The following DUS2 variants were observed in gnomAD, a reference collection of about 807,000 sequenced individuals.
The protein encoded by DUS2 is dihydrouridine synthase 2.
In DUS2, 52 loss-of-function variants were observed where a neutral mutation model predicts 71.3. The observed-to-expected ratio is 0.73, with a 90% CI of 0.58 to 0.92. DUS2 has a LOEUF of 0.92. DUS2 is among the 40% of genes least tolerant of loss of function. DUS2 has a pLI of 0.00. For synonymous variants in DUS2, 204 were observed against 227.8 expected, an observed-to-expected ratio of 0.90 and a Z score of 0.94; for missense variants, 558 against 622.6, an observed-to-expected ratio of 0.90 and a Z score of 1.10.
chr16:68,039,119 G>A (rs1362046242), intron 3 of DUS2, among the ~76,000 whole-genome samples: 7 of 152,052 alleles, frequency 4.6e-5, no homozygotes, highest in South Asian at 2.1e-4. Context: ...GGAGATTGGC[G>A]GAAAACAAAC....
intron 3 of DUS2, among the ~76,000 whole-genome samples, chr16:68,042,115 A>C (rs952185865): frequency 6.6e-6 from 1 of 152,164 alleles, no homozygotes; most frequent in Non-Finnish European, 1.5e-5. Context: ...GAATCATACA[A>C]TATTTATTGT....
At chr16:68,050,576 A>C (rs76418810) in intron 4 of DUS2, among the ~76,000 whole-genome samples, 1 of 152,220 alleles carries the variant, frequency 6.6e-6, no homozygotes, top group African/African-American at 2.4e-5. Context: ...ATGTTTTTCT[A>C]TACATATAGT....
intron 10 of DUS2, among the ~76,000 whole-genome samples, chr16:68,069,654 G>T (rs7203267): frequency 6.6e-6 from 1 of 152,188 alleles, no homozygotes. Context: ...TGTGTCAGGT[G>T]CCTCTCCCTA....
intron 2 of DUS2, among the ~76,000 whole-genome samples, chr16:68,028,978 C>T (rs770019938): frequency 7.2e-5 from 11 of 152,160 alleles, no homozygotes; most frequent in South Asian, 2.1e-4. Context: ...GCAGGAGGAT[C>T]GCTAGAGGCC....
chr16:68,026,137 C>T (rs762969197), intron 2 of DUS2, among the ~76,000 whole-genome samples: 4 of 152,120 alleles, frequency 2.6e-5, no homozygotes, highest in African/African-American at 9.7e-5. Context: ...ATTACAGGCA[C>T]GTGCTACCAA....
At chr16:68,075,235 C>T (rs903974839) in intron 13 of DUS2, 120 bp from the exon 14 acceptor site, 56 of 934,544 alleles carry the variant, frequency 6.0e-5, no homozygotes, top group Admixed American at 3.7e-4. Flanking sequence ...GGCCAGGCCC[C>T]GGTGGTGTTT....
At position 68,079,088 on chromosome 16, in the gene DUS2, C is replaced by G. The variant is rs1186721726; in HGVS notation, c.*102C>G. ...GCCGTTGAACAGTTTGCTGGTCTTG[C>G]CTGGCAGAAGTTAGATGTCCTGGCA... is the stretch of plus-strand genomic sequence containing the variant. On this transcript the variant is annotated 3_prime_UTR_variant, in exon 17 of 17. Coordinates refer to ENST00000565263, the MANE Select transcript of DUS2 (RefSeq NM_017803.5). 2.6e-5 allele frequency: 30 copies of G among 1,141,988 alleles called. No individual in the cohort carries two copies. Among genetic ancestry groups the G allele is most frequent in the Non-Finnish European group, 3.3e-5 (27 of 822,846 alleles). The allele number at this position is 1,141,988 out of a possible 1,614,324, so 70.7% of individuals were successfully genotyped here. A position where few individuals can be genotyped will look rare whatever the true frequency, so the allele number is the denominator to read the frequency against.
At chr16:68,074,737 T>C (rs2034133889) in intron 13 of DUS2, among the ~76,000 whole-genome samples, 1 of 152,252 alleles carries the variant, frequency 6.6e-6, no homozygotes, top group African/African-American at 2.4e-5. Flanking sequence ...CCCTCTTACA[T>C]AGATGCCTTT....
chr16:68,053,572 A>G lies in DUS2; in HGVS notation c.181A>G (p.Ser61Gly), dbSNP rs1314210649. The change falls in exon 5 of 17, where the codon AGC becomes GGC. Residue 61 changes from serine (S) to glycine (G), a missense_variant. Coordinates refer to ENST00000565263, the MANE Select transcript of DUS2 (RefSeq NM_017803.5). ...QCKRVVNEVLSTVDFVAPDDR... is the reference protein window; with the variant it reads ...QCKRVVNEVLGTVDFVAPDDR... ...TTTGGGTTTTCTTGCAGAGGTGCTCAGCACAGTGGACTTTGTCGCCCCTGA... is the reference window on the plus strand; with the variant it reads ...TTTGGGTTTTCTTGCAGAGGTGCTCGGCACAGTGGACTTTGTCGCCCCTGA... The G allele has an allele frequency of 6.2e-7, 1 of 1,614,234 alleles. No homozygotes were observed. Among genetic ancestry groups the G allele is most frequent in the Non-Finnish European group, 8.5e-7 (1 of 1,180,024 alleles).
intron 2 of DUS2, among the ~76,000 whole-genome samples, chr16:68,028,726 C>T (rs1233735510): frequency 6.6e-6 from 1 of 152,150 alleles, no homozygotes; most frequent in African/African-American, 2.4e-5. Flanking sequence ...TTACTATGTG[C>T]TGAGAACTGT....
At chr16:68,034,334 G>A (rs1427302403) in intron 2 of DUS2, among the ~76,000 whole-genome samples, 1 of 152,076 alleles carries the variant, frequency 6.6e-6, no homozygotes, top group African/African-American at 2.4e-5. Flanking sequence ...TCCCCACCAT[G>A]GCCTCCTTAG....
chr16:68,051,312 T>G (rs1764087548), intron 4 of DUS2, among the ~76,000 whole-genome samples: 1 of 152,100 alleles, frequency 6.6e-6, no homozygotes, highest in Non-Finnish European at 1.5e-5. Context: ...AAACAAAGGG[T>G]TAGGTTTGTG....
intron 2 of DUS2, among the ~76,000 whole-genome samples, chr16:68,032,803 A>G (rs1328047123): frequency 1.4e-5 from 2 of 147,950 alleles, no homozygotes; most frequent in Non-Finnish European, 3.0e-5. Flanking sequence ...AATCCCAGCT[A>G]CTCGGGAGGC....
At chr16:68,037,323 C>T (rs1404061145) in intron 2 of DUS2, among the ~76,000 whole-genome samples, 1 of 151,908 alleles carries the variant, frequency 6.6e-6, no homozygotes, top group African/African-American at 2.4e-5. Flanking sequence ...GTGGCTCATG[C>T]CTGTAATCCC....
In DUS2 at chr16:68,051,484, G is replaced by T. The variant is rs564374443; in HGVS notation, c.172+1934G>T. On this transcript the variant is annotated intron_variant, in intron 4 of 16. Coordinates refer to ENST00000565263, the MANE Select transcript of DUS2 (RefSeq NM_017803.5). ...TAGCTCGCTGCAGCCTCAAACTCCTGGGCTCAAATGATCATCCTGCCTCAG... is the reference window on the plus strand; with the variant it reads ...TAGCTCGCTGCAGCCTCAAACTCCTTGGCTCAAATGATCATCCTGCCTCAG... Among the ~76,000 whole-genome samples the T allele has an allele frequency of 3.3e-5, 5 of 152,168 alleles. No homozygotes were observed. In the South Asian group the frequency reaches 1.0e-3, roughly 32 times the overall value.
At chr16:68,036,440 C>T (rs1443195496) in intron 2 of DUS2, among the ~76,000 whole-genome samples, 2 of 151,376 alleles carry the variant, frequency 1.3e-5, no homozygotes, top group Non-Finnish European at 2.9e-5. Flanking sequence ...GGATTACAGG[C>T]GTGAGCCACC....
intron 2 of DUS2, among the ~76,000 whole-genome samples, chr16:68,033,539 C>G (rs2033472401): frequency 6.6e-6 from 1 of 151,636 alleles, no homozygotes; most frequent in Admixed American, 6.6e-5. Context: ...GGTTGGAGTG[C>G]AGTGGCATGA....
chr16:68,065,966 G>C (rs1397332176), intron 8 of DUS2, among the ~76,000 whole-genome samples: 1 of 152,154 alleles, frequency 6.6e-6, no homozygotes, highest in Non-Finnish European at 1.5e-5. Flanking sequence ...TCAAGAGTGT[G>C]TATTTCTTCA....
At chr16:68,042,082 A>G (rs1185916382) in intron 3 of DUS2, among the ~76,000 whole-genome samples, 2 of 152,126 alleles carry the variant, frequency 1.3e-5, no homozygotes, top group Non-Finnish European at 2.9e-5. Context: ...GAATTTGACT[A>G]CTTTAGATAC....
Sources: gnomAD v4.1 joint callset for allele counts (sites outside exome capture counted in the v4.1 genomes callset) on GRCh38, gnomAD v4.1.1 for gene constraint, MANE v1.5 for transcripts, NCBI Gene and HGNC (gene_info 2026-07-23, HGNC 2026-07-21) for gene names.